Variants in SMARCA4 observed in about 807,000 individuals in gnomAD.
The protein encoded by SMARCA4 is SWI/SNF-related matrix-associated actin-dependent regulator of chromatin subfamily A member 4.
In SMARCA4, 31 loss-of-function variants were observed where a neutral mutation model predicts 193.9. The observed-to-expected ratio is 0.16, with a 90% CI of 0.12 to 0.22. SMARCA4 has a LOEUF of 0.22. SMARCA4 is among the 10% of genes least tolerant of loss of function. SMARCA4 has a pLI of 1.00. For synonymous variants in SMARCA4, 942 were observed against 933.1 expected, an observed-to-expected ratio of 1.01 and a Z score of -0.17; for missense variants, 1,148 against 2,296.0, an observed-to-expected ratio of 0.50 and a Z score of 10.22.
At chr19:10,975,404 C>T (rs1006825264) in intron 1 of SMARCA4, among the ~76,000 whole-genome samples, 6 of 151,502 alleles carry the variant, frequency 4.0e-5, no homozygotes, top group South Asian at 2.1e-4. Flanking sequence ...CTCCACCTCC[C>T]GGGTTCAAGC....
At chr19:10,961,984 T>C (rs888292606) in intron 1 of SMARCA4, among the ~76,000 whole-genome samples, 4 of 151,566 alleles carry the variant, frequency 2.6e-5, no homozygotes, top group Non-Finnish European at 2.9e-5. Context: ...TTTTTTTTTT[T>C]TTTTTTTTGG....
intron 1 of SMARCA4, among the ~76,000 whole-genome samples, chr19:10,972,974 C>A (rs149479444): frequency 5.9e-5 from 9 of 152,040 alleles, no homozygotes; most frequent in African/African-American, 2.2e-4. Context: ...CTGGGCATGG[C>A]GGTGTGCGCC....
intron 13 of SMARCA4, among the ~76,000 whole-genome samples, chr19:11,006,807 C>G (rs1162996241): frequency 6.6e-6 from 1 of 151,876 alleles, no homozygotes; most frequent in Non-Finnish European, 1.5e-5. Flanking sequence ...GCGTCGGGGC[C>G]GGGTGCAGTG....
At chr19:11,028,174 C>T (rs1200543178) in intron 24 of SMARCA4, among the ~76,000 whole-genome samples, 1 of 152,196 alleles carries the variant, frequency 6.6e-6, no homozygotes, top group East Asian at 1.9e-4. Context: ...GACAGTCTTT[C>T]CACGACAATG....
At position 11,019,260 on chromosome 19, in the gene SMARCA4, A is replaced by C; in HGVS notation, c.2505+237A>C. ...GGAGTGAGCATGGTGGCCAGCACTC[A>C]GAGGCCAGCTCAGGCGCCTGAGATG... On this transcript the variant is annotated intron_variant, in intron 17 of 34. Coordinates refer to ENST00000344626, the MANE Select transcript of SMARCA4 (RefSeq NM_003072.5). The surrounding 1 kb of genome is among the most constrained non-coding windows in gnomAD (Gnocchi z 6.1). The C allele has an allele frequency of 1.6e-6, 1 of 626,970 alleles. No individual in the cohort carries two copies. The highest frequency in any genetic ancestry group is 2.9e-6 in the Non-Finnish European group (1 of 347,056). 38.8% of individuals were successfully genotyped at this position (626,970 alleles called of 1,614,324 possible). A position where few individuals can be genotyped will look rare whatever the true frequency, so the allele number is the denominator to read the frequency against.
intron 34 of SMARCA4, among the ~76,000 whole-genome samples, chr19:11,061,204 A>AATATATATATATATATATATAT (rs55894159): frequency 2.2e-5 from 1 of 45,220 alleles, no homozygotes; most frequent in African/African-American, 1.1e-4. Flanking sequence ...AAAAAAAAAA[A>AATATATATATATATATATATAT]ATATATATAT....
intron 1 of SMARCA4, among the ~76,000 whole-genome samples, chr19:10,965,792 C>A (rs1326818917): frequency 6.6e-6 from 1 of 151,984 alleles, no homozygotes; most frequent in Non-Finnish European, 1.5e-5. Context: ...GGGAAAAATA[C>A]AGTATTATGA....
In SMARCA4 at chr19:11,058,422, G is replaced by A. The variant is rs1600631959; in HGVS notation, c.4533+59G>A. ...GCCCGGAGGGGAGTCTGACCCAGGG[G>A]CACCCCCATCTGAGAGCTGTGGTGT... is the stretch of plus-strand genomic sequence containing the variant. On this transcript the variant is annotated intron_variant, in intron 31 of 34. Transcript: ENST00000344626. The surrounding 1 kb of genome is among the most constrained non-coding windows in gnomAD (Gnocchi z 5.8). The A allele has an allele frequency of 3.3e-6, 4 of 1,199,956 alleles. No homozygotes were observed. In the East Asian group the frequency reaches 7.1e-5, roughly 21 times the overall value. The allele number at this position is 1,199,956 out of a possible 1,614,324, so 74.3% of individuals were successfully genotyped here.
intron 6 of SMARCA4, among the ~76,000 whole-genome samples, chr19:10,988,940 T>C (rs2086305680): frequency 1.3e-5 from 2 of 152,150 alleles, no homozygotes; most frequent in African/African-American, 4.8e-5. Flanking sequence ...CTCCGAGGGG[T>C]TGCCTCAGTT....
Position 11,019,897 on chromosome 19 carries a change from A to G in SMARCA4, c.2616+196A>G, listed in dbSNP as rs893661881. Among the ~76,000 whole-genome samples, 3 of 152,280 alleles carry G rather than the reference A, an allele frequency of 2.0e-5. No individual in the cohort carries two copies. Among genetic ancestry groups the G allele is most frequent in the Non-Finnish European group, 4.4e-5 (3 of 67,958 alleles). ...TTTACCTCCCTAACTGTCTCCAGGCAGGCCCTGAGTCAGGCCCAGAAGCTG... is the reference window on the plus strand; with the variant it reads ...TTTACCTCCCTAACTGTCTCCAGGCGGGCCCTGAGTCAGGCCCAGAAGCTG... On this transcript the variant is annotated intron_variant, in intron 18 of 34. Transcript: ENST00000344626. The surrounding 1 kb of genome is among the most constrained non-coding windows in gnomAD (Gnocchi z 6.1).
chr19:11,034,105 C>T lies in SMARCA4; in HGVS notation c.3874-18C>T, dbSNP rs376294290. ...CCCGGCCCCTCCTCAGCGGCACTGA[C>T]AGTTTGCAATCTTATAGGAGGAAGA... On this transcript the variant is annotated intron_variant, in intron 27 of 34. Coordinates refer to ENST00000344626, the MANE Select transcript of SMARCA4 (RefSeq NM_003072.5). The surrounding 1 kb of genome is among the most constrained non-coding windows in gnomAD (Gnocchi z 7.0). 4 of 1,607,256 alleles carry T rather than the reference C, an allele frequency of 2.5e-6. No individual in the cohort carries two copies. The highest frequency in any genetic ancestry group is 3.4e-6 in the Non-Finnish European group (4 of 1,174,494).
rs1600210118 is a variant in SMARCA4, at chr19:11,013,107, T to C, written c.2433T>C (p.Pro811=). The C allele has an allele frequency of 6.2e-7, 1 of 1,613,980 alleles. No homozygotes were observed. Among genetic ancestry groups the C allele is most frequent in the Non-Finnish European group, 8.5e-7 (1 of 1,179,974 alleles). The change falls in exon 16 of 35, where the codon CCT becomes CCC. Residue 811 remains proline, a synonymous_variant. Transcript: ENST00000344626. ...ATGGGCCCTTCCTCATCATCGTGCC[T>C]CTCTCGTGAGTACCCGCTGCCAGCA... ...RINGPFLIIV[P]LSTLSNWAYE... is the part of the protein sequence containing the mutation.
chr19:10,972,111 C>G (rs549922681), intron 1 of SMARCA4, among the ~76,000 whole-genome samples: 1 of 152,136 alleles, frequency 6.6e-6, no homozygotes, highest in African/African-American at 2.4e-5. Flanking sequence ...GGGCGCCTGC[C>G]ACCATGCCGG....
chr19:10,989,176 G>A (rs553327045), intron 6 of SMARCA4, 141 bp from the exon 7 acceptor site: 93 of 1,052,858 alleles, frequency 8.8e-5, no homozygotes, highest in South Asian at 5.1e-5. Flanking sequence ...TGTGCCCTGC[G>A]GCCAGCATCC....
intron 29 of SMARCA4, among the ~76,000 whole-genome samples, chr19:11,037,089 A>G (rs1432087305): frequency 1.1e-4 from 16 of 152,222 alleles, no homozygotes; most frequent in African/African-American, 3.6e-4. Flanking sequence ...TACTACCGTG[A>G]ACATTCACGT....
At chr19:11,021,599 C>T (rs759121166) in intron 18 of SMARCA4, 126 bp from the exon 19 acceptor site, 68 of 1,223,074 alleles carry the variant, frequency 5.6e-5, no homozygotes, top group Middle Eastern at 1.8e-4. Flanking sequence ...CAGGCCTGTG[C>T]TCTCCACCCA....
chr19:11,047,178 C>T (rs756653415), intron 30 of SMARCA4, among the ~76,000 whole-genome samples: 19 of 152,176 alleles, frequency 1.2e-4, no homozygotes, highest in Admixed American at 5.2e-4. Flanking sequence ...GCGGTTGTTA[C>T]GCTTGCAGTT....
rs2075600402 is a variant in SMARCA4, at chr19:11,041,374, G to A, written c.4238G>A (p.Arg1413His). ...CGGCAGAAGAAATCATCACGGAAGC[G>A]CAAGCGAGACAGCGACGCCGGCTCC... Reference protein sequence around the residue: ...EVRQKKSSRKRKRDSDAGSST... With the variant: ...EVRQKKSSRKHKRDSDAGSST... Residue 1413 changes from arginine to histidine, a missense_variant, in exon 30 of 35, where the codon CGC becomes CAC. By Grantham distance (29) the Arg-to-His change is conservative. Coordinates refer to ENST00000344626, the MANE Select transcript of SMARCA4 (RefSeq NM_003072.5). This position sits in a 1 kb window ranked among gnomAD's most constrained non-coding sequence, Gnocchi z 5.6. 3 of 1,612,676 alleles carry A rather than the reference G, an allele frequency of 1.9e-6. No individual in the cohort carries two copies. The highest frequency in any genetic ancestry group is 2.5e-6 in the Non-Finnish European group (3 of 1,180,016).
intron 6 of SMARCA4, 99 bp from the exon 7 acceptor site, chr19:10,989,216 AGT>A: frequency 7.0e-7 from 1 of 1,431,592 alleles, no homozygotes; most frequent in African/African-American, 1.4e-5. Context: ...CCTCATGACT[AGT>A]GCCTGCCTCT....
Sources: gnomAD v4.1 joint callset for allele counts (sites outside exome capture counted in the v4.1 genomes callset) on GRCh38, gnomAD v4.1.1 for gene constraint, Gnocchi (gnomAD v3.1) non-coding constraint, MANE v1.5 for transcripts, NCBI Gene and HGNC (gene_info 2026-07-23, HGNC 2026-07-21) for gene names.